PTPN21: variants seen among roughly 807,000 people sequenced by gnomAD.
The protein encoded by PTPN21 is protein tyrosine phosphatase non-receptor type 21.
PTPN21 carries 77 observed loss-of-function variants against 131.8 expected under a neutral mutation model. The observed-to-expected ratio is 0.58, with a 90% CI of 0.49 to 0.71. The LOEUF is 0.71. Among genes scored for constraint, PTPN21 ranks in the 30% least tolerant of loss-of-function variants. The pLI, the probability that PTPN21 is intolerant of heterozygous loss-of-function variation, is 0.00. For missense variants in PTPN21, 1,552 were observed against 1,527.1 expected (o/e 1.02, Z -0.27); for synonymous variants, 715 against 621.3 (o/e 1.15, Z -2.24).
At chr14:88,541,230 T>C (rs563972529) in intron 2 of PTPN21, among the ~76,000 whole-genome samples, 1 of 152,344 alleles carries the variant, frequency 6.6e-6, no homozygotes, top group South Asian at 2.1e-4. Context: ...CAGTTTCTTC[T>C]AGTAATGTTA....
At position 88,476,076 on chromosome 14, in the gene PTPN21, A is replaced by G. The variant is rs542403278; in HGVS notation, c.2512-2274T>C. On this transcript the variant is annotated intron_variant, in intron 13 of 18. Transcript: ENST00000556564. The stretch of plus-strand genomic sequence containing the variant: ...GCACCCAAACCAGTCTGCCTTTAAG[A>G]TAACAATCAGGTTGCTGGAGGTGGA... 8.5e-5 allele frequency among the ~76,000 whole-genome samples: 13 copies of G among 152,346 alleles called. 1 individual carries two copies. The South Asian group carries it at 2.1e-3, about 24-fold the overall frequency.
intron 2 of PTPN21, among the ~76,000 whole-genome samples, chr14:88,541,484 G>C (rs144640535): frequency 1.3e-5 from 2 of 152,204 alleles, no homozygotes; most frequent in African/African-American, 4.8e-5. Context: ...AATTGGCCTG[G>C]GAACTTGATT....
chr14:88,542,692 T>G (rs2078723346), intron 2 of PTPN21, among the ~76,000 whole-genome samples: 1 of 152,222 alleles, frequency 6.6e-6, no homozygotes, highest in African/African-American at 2.4e-5. Context: ...CCATACTTAT[T>G]TATATGGCTA....
At chr14:88,522,175 C>G (rs1167413748) in intron 2 of PTPN21, among the ~76,000 whole-genome samples, 1 of 151,314 alleles carries the variant, frequency 6.6e-6, no homozygotes, top group Non-Finnish European at 1.5e-5. Context: ...GCCTGTAATC[C>G]CAGCACTTTG....
chr14:88,483,952 T>C (rs1299516452), intron 12 of PTPN21, among the ~76,000 whole-genome samples: 2 of 151,896 alleles, frequency 1.3e-5, no homozygotes, highest in Non-Finnish European at 2.9e-5. Flanking sequence ...CTGAGCAATA[T>C]AGCAAGACCC....
rs1479946726 is a variant in PTPN21 at position 88,485,064 on chromosome 14, A to T, written c.1078+12T>A. ...TAACTATGTAAGGCATGGCAGAAAC[A>T]GTGTACTTTACCTTGGGAAGAAGCA... On this transcript the variant is annotated intron_variant, in intron 12 of 18. Transcript: ENST00000556564. The T allele has an allele frequency of 6.4e-7, 1 of 1,553,802 alleles. No homozygotes were observed. The highest frequency in any genetic ancestry group is 1.7e-5 in the Admixed American group (1 of 59,934).
At chr14:88,506,113 G>T (rs1312746020) in intron 4 of PTPN21, among the ~76,000 whole-genome samples, 1 of 152,128 alleles carries the variant, frequency 6.6e-6, no homozygotes, top group African/African-American at 2.4e-5. Flanking sequence ...GCCAAGGAGG[G>T]AGGATAGCTT....
chr14:88,487,183 A>G (rs771585815), intron 10 of PTPN21, among the ~76,000 whole-genome samples: 29 of 152,064 alleles, frequency 1.9e-4, no homozygotes, highest in Non-Finnish European at 3.4e-4. Flanking sequence ...CTGTGTGGTC[A>G]GTTTTACTGC....
intron 2 of PTPN21, among the ~76,000 whole-genome samples, chr14:88,539,363 C>T (rs2078673197): frequency 6.6e-6 from 1 of 151,968 alleles, no homozygotes; most frequent in African/African-American, 2.4e-5. Flanking sequence ...GATTCTCCTG[C>T]CTCAGCCTCC....
At chr14:88,492,311 T>C (rs2077836954) in intron 10 of PTPN21, among the ~76,000 whole-genome samples, 1 of 152,184 alleles carries the variant, frequency 6.6e-6, no homozygotes, top group African/African-American at 2.4e-5. Flanking sequence ...TCATGCCACA[T>C]ATGGCTGGAT....
At chr14:88,523,147 G>A (rs991383778) in intron 2 of PTPN21, among the ~76,000 whole-genome samples, 4 of 151,904 alleles carry the variant, frequency 2.6e-5, no homozygotes, top group African/African-American at 9.7e-5. Context: ...ATAACCACAA[G>A]AAAACTATAG....
intron 2 of PTPN21, among the ~76,000 whole-genome samples, chr14:88,525,244 A>AAAT (rs906128092): frequency 6.6e-6 from 1 of 152,110 alleles, no homozygotes; most frequent in Admixed American, 6.6e-5. Context: ...CTGTCTCAAA[A>AAAT]AATAATAATA....
At chr14:88,484,503 CTT>C (rs34038895) in intron 12 of PTPN21, among the ~76,000 whole-genome samples, 51,063 of 151,846 alleles carry the variant, frequency 0.34, 8,731 homozygotes, top group South Asian at 0.42. Flanking sequence ...CCTGGGAATT[CTT>C]TGTCAGATAG....
chr14:88,521,000 A>T (rs1330911516), intron 2 of PTPN21, among the ~76,000 whole-genome samples: 2 of 151,826 alleles, frequency 1.3e-5, no homozygotes, highest in African/African-American at 4.8e-5. Context: ...ATGCCACCAC[A>T]CCAGGCTATA....
At chr14:88,526,438 T>C (rs1317523764) in intron 2 of PTPN21, among the ~76,000 whole-genome samples, 3 of 149,336 alleles carry the variant, frequency 2.0e-5, no homozygotes, top group African/African-American at 7.4e-5. Flanking sequence ...TAATCTCAGC[T>C]ACTCCGGAGG....
intron 2 of PTPN21, among the ~76,000 whole-genome samples, chr14:88,546,069 CTAAGT>C (rs1457651502): frequency 2.6e-5 from 4 of 151,146 alleles, no homozygotes; most frequent in Non-Finnish European, 5.9e-5. Flanking sequence ...AGTTAGCAAC[CTAAGT>C]TAACTACATT....
rs2077360001 is a variant in PTPN21 at position 88,466,189 on chromosome 14, T to C, written c.*1948A>G. 1 of 152,216 alleles carries C rather than the reference T, an allele frequency of 6.6e-6. No individual in the cohort carries two copies. The highest frequency in any genetic ancestry group is 1.5e-5 in the Non-Finnish European group (1 of 68,040). The allele number at this position is 152,216 out of a possible 1,614,324, so 9.4% of individuals were successfully genotyped here. On this transcript the variant is annotated 3_prime_UTR_variant, in exon 19 of 19. Coordinates refer to ENST00000556564, the MANE Select transcript of PTPN21 (RefSeq NM_007039.4). ...GAATATTTTCACTTAGTTCTACTGT[T>C]CTTTAAACAGGACTTTAAAAAGAAT...
intron 13 of PTPN21, among the ~76,000 whole-genome samples, chr14:88,478,283 C>A (rs1362211619): frequency 6.6e-6 from 1 of 152,192 alleles, no homozygotes; most frequent in South Asian, 2.1e-4. Flanking sequence ...AGAACTGCAT[C>A]TTCTACCGGG....
intron 3 of PTPN21, chr14:88,513,964 T>G (rs2078224144): frequency 6.6e-6 from 1 of 152,254 alleles, no homozygotes; most frequent in Admixed American, 6.5e-5. Flanking sequence ...TGGCGCTGAT[T>G]GCTCTGGACT....
Sources: gnomAD v4.1 joint callset for allele counts (sites outside exome capture counted in the v4.1 genomes callset) on GRCh38, gnomAD v4.1.1 for gene constraint, MANE v1.5 for transcripts, NCBI Gene and HGNC (gene_info 2026-07-23, HGNC 2026-07-21) for gene names.